The following SAMSN1 variants were observed in gnomAD, a reference collection of about 807,000 sequenced individuals.
The protein encoded by SAMSN1 is SAM domain-containing protein SAMSN-1.
In SAMSN1, 31 loss-of-function variants were observed where a neutral mutation model predicts 42.0. That is an observed-to-expected ratio of 0.74 (90% CI 0.55 to 1.00). The LOEUF (loss-of-function observed/expected upper bound fraction) is 1.00. SAMSN1 is among the 50% of genes least tolerant of loss of function. SAMSN1 has a pLI of 0.00. For synonymous variants in SAMSN1, 178 were observed against 151.9 expected, an observed-to-expected ratio of 1.17 and a Z score of -1.26; for missense variants, 464 against 439.4, an observed-to-expected ratio of 1.06 and a Z score of -0.50.
At chr21:14,517,686 T>C (rs1987977721) in intron 2 of SAMSN1, among the ~76,000 whole-genome samples, 2 of 152,186 alleles carry the variant, frequency 1.3e-5, no homozygotes, top group Admixed American at 1.3e-4. Flanking sequence ...AAACATCTTA[T>C]TTGGACTGCT....
chr21:14,634,934 A>C (rs1179479877), intron 2 of SAMSN1, among the ~76,000 whole-genome samples: 1 of 152,246 alleles, frequency 6.6e-6, no homozygotes, highest in East Asian at 1.9e-4. Context: ...AACCAACCTA[A>C]ATGTCCATCA....
chr21:14,533,096 T>G (rs1202415705), intron 1 of SAMSN1, among the ~76,000 whole-genome samples: 3 of 151,974 alleles, frequency 2.0e-5, no homozygotes, highest in Non-Finnish European at 4.4e-5. Flanking sequence ...TTTTTTTTAT[T>G]TTTTGTAGAG....
At chr21:14,622,745 A>G (rs1198517152) in intron 2 of SAMSN1, among the ~76,000 whole-genome samples, 1 of 152,218 alleles carries the variant, frequency 6.6e-6, no homozygotes, top group African/African-American at 2.4e-5. Context: ...GCAGGCCAAC[A>G]TTCAAATTCA....
At chr21:14,557,788 C>T (rs1448310643) in intron 2 of SAMSN1, among the ~76,000 whole-genome samples, 2 of 152,184 alleles carry the variant, frequency 1.3e-5, no homozygotes, top group African/African-American at 2.4e-5. Context: ...GATCTGGTCA[C>T]GCTGATCTCT....
At chr21:14,630,496 C>T (rs1229873566) in intron 2 of SAMSN1, among the ~76,000 whole-genome samples, 3 of 151,856 alleles carry the variant, frequency 2.0e-5, no homozygotes, top group South Asian at 2.1e-4. Flanking sequence ...CACAATTAAC[C>T]TTCATCTATT....
chr21:14,486,880 A>T (rs1196647212), intron 7 of SAMSN1, among the ~76,000 whole-genome samples: 1 of 152,198 alleles, frequency 6.6e-6, no homozygotes, highest in Non-Finnish European at 1.5e-5. Context: ...TTTTAGAAAA[A>T]GATTACTATT....
rs143545649 is a variant in SAMSN1 at position 14,623,091 on chromosome 21, G to A, written c.157-7075C>T. ...ATGCTGAGAGAATTTGTCACCACCA[G>A]GCCTGCCCTACAAGAGCTCCTAAGG... is the stretch of plus-strand genomic sequence containing the variant. On this transcript the variant is annotated intron_variant, in intron 2 of 15. Coordinates refer to the SAMSN1 transcript ENST00000647101. Among the ~76,000 whole-genome samples the A allele has an allele frequency of 4.7e-3, 711 of 152,246 alleles. 3 individuals are homozygous for A. The highest frequency in any genetic ancestry group is 0.016 in the African/African-American group (663 of 41,540).
intron 5 of SAMSN1, among the ~76,000 whole-genome samples, chr21:14,507,934 C>G (rs1367440595): frequency 6.6e-6 from 1 of 151,262 alleles, no homozygotes; most frequent in Non-Finnish European, 1.5e-5. Flanking sequence ...TTTGAAAAAG[C>G]AAACAAAAAC....
chr21:14,623,676 G>T (rs1983080641), intron 2 of SAMSN1, among the ~76,000 whole-genome samples: 1 of 152,088 alleles, frequency 6.6e-6, no homozygotes, highest in Non-Finnish European at 1.5e-5. Context: ...CAATAATAAT[G>T]GGAGACTTTA....
At chr21:14,514,643 G>A (rs1247927681) in intron 3 of SAMSN1, among the ~76,000 whole-genome samples, 1 of 152,120 alleles carries the variant, frequency 6.6e-6, no homozygotes, top group Non-Finnish European at 1.5e-5. Flanking sequence ...GGAATTTAGG[G>A]TGATTCTTAG....
intron 7 of SAMSN1, among the ~76,000 whole-genome samples, chr21:14,593,051 C>T (rs1982138742): frequency 6.6e-6 from 1 of 152,124 alleles, no homozygotes; most frequent in South Asian, 2.1e-4. Context: ...AACTTTCCAT[C>T]ACCTCTTCCT....
In SAMSN1 at chr21:14,545,303, G is replaced by C. The variant is rs1003619381; in HGVS notation, c.57+902C>G. On this transcript the variant is annotated intron_variant, in intron 1 of 7. Coordinates refer to ENST00000400566, the MANE Select transcript of SAMSN1 (RefSeq NM_022136.5). The stretch of plus-strand genomic sequence containing the variant: ...ATGAAATAAACCAATCTCTTTCTCT[G>C]AAAATGGGTGCCTAACATATAAAGA... Among the ~76,000 whole-genome samples, 33 of 152,006 alleles carry C rather than the reference G, an allele frequency of 2.2e-4. 5 individuals are homozygous for C. The highest frequency in any genetic ancestry group is 1.2e-3 in the Admixed American group (19 of 15,268).
At chr21:14,493,850 C>A (rs955576337) in intron 7 of SAMSN1, among the ~76,000 whole-genome samples, 2 of 152,108 alleles carry the variant, frequency 1.3e-5, no homozygotes, top group African/African-American at 2.4e-5. Flanking sequence ...AACACAGGAG[C>A]AAATTCCAAA....
rs370831744 is a variant in SAMSN1, at chr21:14,577,964, G to A, written c.261+4172C>T. Among the ~76,000 whole-genome samples the A allele has an allele frequency of 2.2e-4, 34 of 152,210 alleles. 6 individuals are homozygous for A. Among genetic ancestry groups the A allele is most frequent in the Admixed American group, 1.3e-3 (20 of 15,290 alleles). ...TAAACATCTCTGTATCTCATTTTCT[G>A]TTGACTTCTGTGAAGAGCCCTTGAC... On this transcript the variant is annotated intron_variant, in intron 2 of 8. Transcript: ENST00000285670.
intron 7 of SAMSN1, among the ~76,000 whole-genome samples, chr21:14,493,939 A>C (rs1285553873): frequency 6.6e-6 from 1 of 152,188 alleles, no homozygotes; most frequent in Non-Finnish European, 1.5e-5. Context: ...GATCAGCACT[A>C]ACGCCACATA....
intron 4 of SAMSN1, among the ~76,000 whole-genome samples, chr21:14,612,157 C>T (rs371263275): frequency 5.9e-5 from 9 of 152,244 alleles, no homozygotes; most frequent in South Asian, 2.1e-4. Context: ...TGCTTGAACC[C>T]GGGAGGCAGA....
At chr21:14,512,399 C>T (rs754930783) in intron 4 of SAMSN1, 45 bp downstream of exon 4, 3 of 1,603,226 alleles carry the variant, frequency 1.9e-6, no homozygotes, top group East Asian at 4.5e-5. Flanking sequence ...TTAATTTAAC[C>T]CAGACCTCAC....
chr21:14,532,109 C>T (rs1363887198), intron 1 of SAMSN1, among the ~76,000 whole-genome samples: 1 of 152,164 alleles, frequency 6.6e-6, no homozygotes, highest in Admixed American at 6.5e-5. Context: ...GTGAGCTTCC[C>T]TCCAGCAGAG....
At chr21:14,648,292 G>A (rs1239770136) in intron 1 of SAMSN1, among the ~76,000 whole-genome samples, 3 of 152,036 alleles carry the variant, frequency 2.0e-5, no homozygotes, top group Non-Finnish European at 2.9e-5. Context: ...AGACTTAAAC[G>A]TTAGACCTAA....
Sources: gnomAD v4.1 joint callset for allele counts (sites outside exome capture counted in the v4.1 genomes callset) on GRCh38, gnomAD v4.1.1 for gene constraint, MANE v1.5 for transcripts, NCBI Gene and HGNC (gene_info 2026-07-23, HGNC 2026-07-21) for gene names.